The following FANCI variants were observed in gnomAD, a reference collection of about 807,000 sequenced individuals.
The protein encoded by FANCI is FA complementation group I, also known as Fanconi anemia group I protein.
In FANCI, 156 loss-of-function variants were observed where a neutral mutation model predicts 176.1. The observed-to-expected ratio is 0.89, with a 90% CI of 0.78 to 1.01. The LOEUF (loss-of-function observed/expected upper bound fraction) is 1.01, where lower values mean the gene tolerates loss of function less well. FANCI is among the 50% of genes least tolerant of loss of function. FANCI has a pLI of 0.00. For synonymous variants in FANCI, 613 were observed against 541.7 expected (o/e 1.13, Z -1.83); for missense variants, 1,678 against 1,534.1 (o/e 1.09, Z -1.57).
At position 89,290,238 on chromosome 15, in the gene FANCI, A is replaced by G. The variant is rs2054008803; in HGVS notation, c.1847A>G (p.Asn616Ser). The G allele has an allele frequency of 6.2e-7, 1 of 1,613,646 alleles. No homozygotes were observed. Among genetic ancestry groups the G allele is most frequent in the African/African-American group, 1.3e-5 (1 of 74,832 alleles). Reference protein sequence around the residue: ...YEGFYDVLRRNSQLANSVMQT... With the variant: ...YEGFYDVLRRSSQLANSVMQT... Reference sequence around the variant, plus strand: ...GGGTTTTATGATGTTCTTCGAAGGAACTCTCAGCTGGCTAATTCAGTCATG... The same window carrying G: ...GGGTTTTATGATGTTCTTCGAAGGAGCTCTCAGCTGGCTAATTCAGTCATG... The change falls in exon 19 of 38, where the codon AAC becomes AGC. Residue 616 changes from asparagine to serine, a missense_variant. This residue lies in a region of FANCI where 1,204 missense variants were observed against 1,077.4 expected (regional missense o/e 1.12). Transcript: ENST00000310775.
In FANCI at chr15:89,300,042, C is replaced by A. The variant is rs552818879; in HGVS notation, c.2803+76C>A. The A allele has an allele frequency of 1.4e-5, 22 of 1,530,132 alleles. No homozygotes were observed. In the African/African-American group the frequency reaches 2.7e-4, roughly 19 times the overall value. 94.8% of individuals were successfully genotyped at this position (1,530,132 alleles called of 1,614,324 possible). On this transcript the variant is annotated intron_variant, in intron 25 of 37. Coordinates refer to ENST00000310775, the MANE Select transcript of FANCI (RefSeq NM_001113378.2). ...TCAACCCCTTAATTCCATTTGTTAACCTACCAGAAGACACTTGAGAACAGT... is the reference window on the plus strand; with the variant it reads ...TCAACCCCTTAATTCCATTTGTTAAACTACCAGAAGACACTTGAGAACAGT...
intron 18 of FANCI, among the ~76,000 whole-genome samples, chr15:89,287,123 G>A (rs1213978440): frequency 9.2e-5 from 14 of 151,778 alleles, no homozygotes; most frequent in African/African-American, 3.2e-4. Flanking sequence ...ATAGGCTCAC[G>A]CCACCATACC....
intron 11 of FANCI, 75 bp from the exon 12 acceptor site, chr15:89,274,093 A>C: frequency 1.3e-5 from 14 of 1,111,314 alleles, no homozygotes; most frequent in Non-Finnish European, 1.7e-5. Flanking sequence ...TTATTTTCTT[A>C]TTTCTTTCAT....
Position 89,316,453 on chromosome 15 carries a change from AAAAT to A in FANCI, c.3986_*2del, listed in dbSNP as rs1170252316. ...AAGAACCAGCCAAGAAGAAAAGGAAAAAATAAATGAAATGCCTGAGTTAATGTGA... is the reference window on the plus strand; with the variant it reads ...AAGAACCAGCCAAGAAGAAAAGGAAAAAATGAAATGCCTGAGTTAATGTGA... On this transcript the variant is annotated frameshift_variant and stop_lost, in exon 38 of 38. Transcript: ENST00000310775. LOFTEE classifies it high-confidence loss of function. 2.5e-6 allele frequency: 4 copies of A among 1,609,820 alleles called. No individual in the cohort carries two copies. The highest frequency in any genetic ancestry group is 2.5e-6 in the Non-Finnish European group (3 of 1,177,434).
chr15:89,279,842 C>CT (rs1323583039), intron 14 of FANCI, among the ~76,000 whole-genome samples: 2 of 152,148 alleles, frequency 1.3e-5, no homozygotes, highest in African/African-American at 4.8e-5. Flanking sequence ...CATCCAGTGT[C>CT]TAATTCCTAT....
chr15:89,268,649 C>CT, intron 10 of FANCI, 124 bp downstream of exon 10: 1 of 1,148,394 alleles, frequency 8.7e-7, no homozygotes, highest in Non-Finnish European at 1.2e-6. Flanking sequence ...TGTGGAGGAT[C>CT]TCTTTTTTTT....
intron 13 of FANCI, among the ~76,000 whole-genome samples, chr15:89,277,131 C>G (rs534177545): frequency 6.6e-6 from 1 of 152,086 alleles, no homozygotes; most frequent in African/African-American, 2.4e-5. Context: ...TGTTTCTGAC[C>G]TAGAAGTTTG....
intron 18 of FANCI, among the ~76,000 whole-genome samples, chr15:89,289,598 G>A (rs2053979595): frequency 6.6e-6 from 1 of 151,758 alleles, no homozygotes; most frequent in Admixed American, 6.6e-5. Flanking sequence ...GAGCCACCGT[G>A]TCTGGCCTGT....
Position 89,264,662 on chromosome 15 carries a change from G to A in FANCI, c.755+55G>A, listed in dbSNP as rs183255195. On this transcript the variant is annotated intron_variant, in intron 9 of 37. Transcript: ENST00000310775. ...ATTTTTACAAATTCATCTTCTCATTGTGTATTTTAGCTATTTCATTTTCTT... is the reference window on the plus strand; with the variant it reads ...ATTTTTACAAATTCATCTTCTCATTATGTATTTTAGCTATTTCATTTTCTT... The A allele has an allele frequency of 2.5e-3, 3,792 of 1,495,670 alleles. 11 individuals are homozygous for A. The highest frequency in any genetic ancestry group is 4.1e-3 in the Admixed American group (243 of 58,618). 92.6% of individuals were successfully genotyped at this position (1,495,670 alleles called of 1,614,324 possible). A position where few individuals can be genotyped will look rare whatever the true frequency, so the allele number is the denominator to read the frequency against.
chr15:89,297,479 C>T (rs948944671), intron 24 of FANCI, among the ~76,000 whole-genome samples: 34 of 152,284 alleles, frequency 2.2e-4, no homozygotes, highest in Admixed American at 1.8e-3. Context: ...CCATTGAGCA[C>T]TGAGTGAACG....
chr15:89,265,845 C>T (rs907413499), intron 9 of FANCI, among the ~76,000 whole-genome samples: 3 of 152,070 alleles, frequency 2.0e-5, no homozygotes, highest in Non-Finnish European at 4.4e-5. Context: ...TTTAAGCAAA[C>T]ATTTGTAGGA....
chr15:89,251,881 C>G (rs547957293), intron 2 of FANCI, among the ~76,000 whole-genome samples: 1 of 152,268 alleles, frequency 6.6e-6, no homozygotes, highest in African/African-American at 2.4e-5. Context: ...TAGTGGGAAA[C>G]CATAGAGACA....
At chr15:89,289,320 T>C (rs2053964133) in intron 18 of FANCI, among the ~76,000 whole-genome samples, 1 of 152,252 alleles carries the variant, frequency 6.6e-6, no homozygotes, top group African/African-American at 2.4e-5. Flanking sequence ...TCCTTTCCGA[T>C]GGAGTCTCAC....
At chr15:89,281,613 C>G (rs16942947) in intron 15 of FANCI, 152 bp from the exon 16 acceptor site, 1 of 795,732 alleles carries the variant, frequency 1.3e-6, no homozygotes, top group East Asian at 2.6e-5. Context: ...TCAGAGTATA[C>G]TATTGTCCTT....
intron 10 of FANCI, among the ~76,000 whole-genome samples, chr15:89,270,324 G>T (rs562948185): frequency 1.1e-4 from 17 of 152,180 alleles, no homozygotes; most frequent in Admixed American, 3.3e-4. Context: ...AATGACCATT[G>T]ATTTTCTTCA....
chr15:89,307,189 T>C (rs1292412794), intron 32 of FANCI, among the ~76,000 whole-genome samples: 1 of 152,200 alleles, frequency 6.6e-6, no homozygotes, highest in Non-Finnish European at 1.5e-5. Context: ...ATTGGCATCT[T>C]TAAAAGGAAA....
chr15:89,270,019 C>T (rs533516490), intron 10 of FANCI, among the ~76,000 whole-genome samples: 1 of 152,266 alleles, frequency 6.6e-6, no homozygotes, highest in East Asian at 1.9e-4. Flanking sequence ...CCATATTGGC[C>T]AGGCTGGTCT....
chr15:89,311,743 C>A (rs1206516948), intron 34 of FANCI, among the ~76,000 whole-genome samples: 1 of 152,222 alleles, frequency 6.6e-6, no homozygotes, highest in African/African-American at 2.4e-5. Flanking sequence ...CTGTTTCTCT[C>A]ATGGCTCCAG....
intron 17 of FANCI, 80 bp from the exon 18 acceptor site, chr15:89,285,016 C>T: frequency 6.3e-7 from 1 of 1,598,994 alleles, no homozygotes; most frequent in Admixed American, 1.7e-5. Context: ...GTTTTTTCGA[C>T]CAAGAACATA....
Sources: allele counts gnomAD v4.1 joint callset (sites outside exome capture counted in the v4.1 genomes callset), GRCh38; gene constraint gnomAD v4.1.1; regional missense constraint gnomAD v4.1.1; transcripts MANE v1.5; gene names NCBI Gene and HGNC (gene_info 2026-07-23, HGNC 2026-07-21).